The following SLC22A31 variants were observed in gnomAD, a reference collection of about 807,000 sequenced individuals.
SLC22A31 encodes putative solute carrier family 22 member 31.
In SLC22A31, 42 loss-of-function variants were observed where a neutral mutation model predicts 27.4. The ratio of observed to expected loss-of-function variants is 1.53; its 90% confidence interval spans 1.20 to 1.98. The LOEUF is 1.98. Among genes scored for constraint, SLC22A31 ranks in the 30% most tolerant of loss-of-function variants. The pLI is 0.00. For missense variants in SLC22A31, 593 were observed against 479.9 expected (o/e 1.24, Z -2.20); for synonymous variants, 290 against 230.8 (o/e 1.26, Z -2.33).
chr16:89,201,331 G>A, upstream of SLC22A31: 1 of 337,668 alleles, frequency 3.0e-6, no homozygotes, highest in Non-Finnish European at 5.3e-6. Flanking sequence ...TGCAGGGCCG[G>A]GTGCCGTTGC....
chr16:89,197,079 C>G (rs1916013768), intron 8 of SLC22A31, among the ~76,000 whole-genome samples: 1 of 152,212 alleles, frequency 6.6e-6, no homozygotes, highest in Non-Finnish European at 1.5e-5. Flanking sequence ...CTTCCCTCCC[C>G]TTCCCAGTTC....
Position 89,196,082 on chromosome 16 carries a change from G to T in SLC22A31, c.1258C>A (p.Arg420=). The change falls in exon 9 of 9, where the codon CGG becomes AGG. Residue 420 remains arginine (R), a synonymous_variant. Transcript: ENST00000682282. ...ADRLRRSPLL[R]GRPRQDHLPL... is the part of the protein sequence containing the mutation. ...AGGTGGTCCTGGCGGGGGCGGCCCCGCAGGAGTGGGGAGCGGCGCAGGCGG... is the reference window on the plus strand; with the variant it reads ...AGGTGGTCCTGGCGGGGGCGGCCCCTCAGGAGTGGGGAGCGGCGCAGGCGG... 1 of 1,532,546 alleles carries T rather than the reference G, an allele frequency of 6.5e-7. No individual in the cohort carries two copies. Among genetic ancestry groups the T allele is most frequent in the Non-Finnish European group, 8.7e-7 (1 of 1,145,714 alleles). The allele number at this position is 1,532,546 out of a possible 1,614,324, so 94.9% of individuals were successfully genotyped here. A position where few individuals can be genotyped will look rare whatever the true frequency, so the allele number is the denominator to read the frequency against.
At chr16:89,198,013 G>T in intron 7 of SLC22A31, 109 bp downstream of exon 7, 3 of 1,221,548 alleles carry the variant, frequency 2.5e-6, no homozygotes, top group Non-Finnish European at 3.4e-6. Flanking sequence ...AGCTGGCCTT[G>T]GGCTGCCACC....
At chr16:89,196,439 C>A (rs1159590065) in intron 8 of SLC22A31, 134 bp from the exon 9 acceptor site, 3 of 1,189,970 alleles carry the variant, frequency 2.5e-6, no homozygotes, top group African/African-American at 1.5e-5. Context: ...AGGAACCCGG[C>A]CCCCAGCACC....
rs1171055403 is a variant in SLC22A31 at position 89,199,427 on chromosome 16, G to A, written c.269C>T (p.Ala90Val). Reference protein sequence around the residue: ...HGGTLAGALLALYLARLELCD... With the variant: ...HGGTLAGALLVLYLARLELCD... The stretch of plus-strand genomic sequence containing the variant: ...AGGGTACTCACGAGCCAGATACAGG[G>A]CGAGGAGGGCCCCTGCCAATGTGCC... The change falls in exon 3 of 9, where the codon GCC (alanine) becomes GTC (valine). Residue 90 changes from alanine (A) to valine (V), a missense_variant. Ala to Val is a moderately conservative substitution (Grantham distance 64). Coordinates refer to ENST00000682282, the MANE Select transcript of SLC22A31 (RefSeq NM_001384763.1). The A allele has an allele frequency of 9.1e-6, 5 of 551,836 alleles. No homozygotes were observed. Among genetic ancestry groups the A allele is most frequent in the Admixed American group, 3.1e-5 (1 of 31,828 alleles). 34.2% of individuals were successfully genotyped at this position (551,836 alleles called of 1,614,324 possible). A position where few individuals can be genotyped will look rare whatever the true frequency, so the allele number is the denominator to read the frequency against.
Position 89,197,279 on chromosome 16 carries a change from G to C in SLC22A31, c.1034+19C>G, listed in dbSNP as rs775271886. On this transcript the variant is annotated intron_variant, in intron 8 of 8. Transcript: ENST00000682282. ...AGGCCCTGGACCCTGCTGTGTGGCCGGGCAACCCTGAAGCTCACCTGATCA... is the reference window on the plus strand; with the variant it reads ...AGGCCCTGGACCCTGCTGTGTGGCCCGGCAACCCTGAAGCTCACCTGATCA... 3 of 1,530,694 alleles carry C rather than the reference G, an allele frequency of 2.0e-6. No individual in the cohort carries two copies. Among genetic ancestry groups the C allele is most frequent in the East Asian group, 2.4e-5 (1 of 40,876 alleles). The allele number at this position is 1,530,694 out of a possible 1,614,324, so 94.8% of individuals were successfully genotyped here.
chr16:89,200,478 G>A lies in SLC22A31; in HGVS notation c.24C>T (p.Asn8=), dbSNP rs959464550. 3.3e-5 allele frequency among the ~76,000 whole-genome samples: 5 copies of A among 152,190 alleles called. No individual in the cohort carries two copies. Among genetic ancestry groups the A allele is most frequent in the Non-Finnish European group, 7.3e-5 (5 of 68,036 alleles). ...CCGAGATTTTACTTTCAAACCTGAC[G>A]TTTTGGGAAAGCTGATGGGGCATTC... is the stretch of plus-strand genomic sequence containing the variant. MPHQLSQ[N]WNLVCGDGWK... Residue 8 remains asparagine (N), a splice_region_variant and synonymous_variant, in exon 1 of 9, where the codon AAC becomes AAT. Coordinates refer to ENST00000682282, the MANE Select transcript of SLC22A31 (RefSeq NM_001384763.1).
intron 1 of SLC22A31, 68 bp from the exon 2 acceptor site, chr16:89,199,884 C>A (rs1161008537): frequency 2.5e-6 from 1 of 400,832 alleles, no homozygotes; most frequent in Non-Finnish European, 4.4e-6. Context: ...GCAGGGAGTC[C>A]CAGAATGGCT....
chr16:89,198,347 G>T lies in SLC22A31; in HGVS notation c.708-11C>A. ...CCTCCACCAACCAGCCTGGGAGAGA[G>T]AGCAAATCTATGGGCCCAGCCAGAG... is the stretch of plus-strand genomic sequence containing the variant. On this transcript the variant is annotated splice_polypyrimidine_tract_variant and intron_variant, in intron 6 of 8. Coordinates refer to ENST00000682282, the MANE Select transcript of SLC22A31 (RefSeq NM_001384763.1). 1 of 1,535,800 alleles carries T rather than the reference G, an allele frequency of 6.5e-7. No individual in the cohort carries two copies. The highest frequency in any genetic ancestry group is 1.2e-5 in the South Asian group (1 of 84,058).
chr16:89,198,099 G>C, intron 7 of SLC22A31, 23 bp downstream of exon 7: 2 of 1,532,816 alleles, frequency 1.3e-6, no homozygotes, highest in Non-Finnish European at 1.7e-6. Context: ...GCTCCTGTAT[G>C]GCCTGCGGGG....
chr16:89,197,177 G>T, intron 8 of SLC22A31, 121 bp downstream of exon 8: 1 of 700,742 alleles, frequency 1.4e-6, no homozygotes, highest in Non-Finnish European at 2.4e-6. Flanking sequence ...CTTACTGGAT[G>T]GAGGAATCAC....
At chr16:89,196,912 C>T (rs1296171158) in intron 8 of SLC22A31, among the ~76,000 whole-genome samples, 2 of 150,932 alleles carry the variant, frequency 1.3e-5, no homozygotes, top group Admixed American at 6.6e-5. Context: ...CACCACTGCA[C>T]TCCAGCCTGG....
chr16:89,195,927 G>A lies in SLC22A31; in HGVS notation c.*72C>T, dbSNP rs556673307. ...GGAATGTGTCTGCCCTGGACCAGAC[G>A]TCTGGGGTACTCAGCCATGCCCCAG... On this transcript the variant is annotated 3_prime_UTR_variant, in exon 9 of 9. Transcript: ENST00000682282. 1.3e-4 allele frequency: 185 copies of A among 1,410,186 alleles called. No individual in the cohort carries two copies. In the African/African-American group the frequency reaches 2.1e-3, roughly 16 times the overall value. The allele number at this position is 1,410,186 out of a possible 1,614,324, so 87.4% of individuals were successfully genotyped here. A position where few individuals can be genotyped will look rare whatever the true frequency, so the allele number is the denominator to read the frequency against.
At chr16:89,196,725 A>C (rs1915964932) in intron 8 of SLC22A31, among the ~76,000 whole-genome samples, 1 of 152,158 alleles carries the variant, frequency 6.6e-6, no homozygotes, top group Non-Finnish European at 1.5e-5. Context: ...AGGCAGGCGG[A>C]TCATGAGGTC....
At chr16:89,201,452 G>T (rs1465862170), upstream of SLC22A31, 348 of 390,324 alleles carry the variant, frequency 8.9e-4, 4 homozygotes, top group East Asian at 0.013. Flanking sequence ...GGATGGCGGC[G>T]TCCAGCAGCG....
At chr16:89,199,673 G>A (rs1055361620) in intron 2 of SLC22A31, 40 bp downstream of exon 2, 17 of 403,688 alleles carry the variant, frequency 4.2e-5, no homozygotes, top group Middle Eastern at 6.4e-4. Context: ...TGGGCGGAGG[G>A]GAGGGCTGCT....
At chr16:89,199,240 A>T in intron 3 of SLC22A31, 49 bp from the exon 4 acceptor site, 1 of 1,477,348 alleles carries the variant, frequency 6.8e-7, no homozygotes, top group Non-Finnish European at 9.0e-7. Context: ...GAGGACTGGA[A>T]CAGTTCCATT....
rs755196390 is a variant in SLC22A31, at chr16:89,198,487, C to T, written c.662G>A (p.Arg221His). 15 of 1,519,480 alleles carry T rather than the reference C, an allele frequency of 9.9e-6. No individual in the cohort carries two copies. The highest frequency in any genetic ancestry group is 1.7e-4 in the Middle Eastern group (1 of 5,898). The allele number at this position is 1,519,480 out of a possible 1,614,324, so 94.1% of individuals were successfully genotyped here. The change falls in exon 6 of 9, where the codon CGT (arginine) becomes CAT (histidine). Residue 221 changes from arginine (R) to histidine (H), a missense_variant. Coordinates refer to ENST00000682282, the MANE Select transcript of SLC22A31 (RefSeq NM_001384763.1). Reference protein sequence around the residue: ...PRYHSPLGLLRTRVTWRNGLI... With the variant: ...PRYHSPLGLLHTRVTWRNGLI... Reference sequence around the variant, plus strand: ...CCCGTTTCTCCAGGTGACTCGGGTACGCAGAAGCCCCAGTGGGGAGTGGTA... The same window carrying T: ...CCCGTTTCTCCAGGTGACTCGGGTATGCAGAAGCCCCAGTGGGGAGTGGTA...
chr16:89,197,431 T>G, intron 7 of SLC22A31, 22 bp from the exon 8 acceptor site: 1 of 1,509,608 alleles, frequency 6.6e-7, no homozygotes, highest in Non-Finnish European at 8.9e-7. Context: ...GAACAGGGGT[T>G]CCCAGGCTCT....
Sources: gnomAD v4.1 joint callset for allele counts (sites outside exome capture counted in the v4.1 genomes callset) on GRCh38, gnomAD v4.1.1 for gene constraint, MANE v1.5 for transcripts, NCBI Gene and HGNC (gene_info 2026-07-23, HGNC 2026-07-21) for gene names.